Variants in OR8G5 observed in about 807,000 individuals in gnomAD.
OR8G5 encodes olfactory receptor 8G5.
For missense variants in OR8G5, 347 were observed against 371.9 expected, an observed-to-expected ratio of 0.93 and a Z score of 0.55; for synonymous variants, 147 against 147.7, an observed-to-expected ratio of 1.00 and a Z score of 0.03.
Position 124,265,686 on chromosome 11 carries a change from T to C in OR8G5, c.755T>C (p.Phe252Ser). 1.2e-6 allele frequency: 2 copies of C among 1,614,030 alleles called. No homozygotes were observed. The highest frequency in any genetic ancestry group is 1.7e-5 in the Admixed American group (1 of 60,024). ...SSHISAVSVF[F>S]GSAAFMYLQP... ...CACATCTCGGCTGTTTCTGTTTTCT[T>C]TGGGTCTGCAGCATTCATGTACCTG... The change falls in exon 2 of 2, where the codon TTT (phenylalanine) becomes TCT (serine). Residue 252 changes from phenylalanine (F) to serine (S), a missense_variant. Coordinates refer to ENST00000641992, the MANE Select transcript of OR8G5 (RefSeq NM_001005198.2).
chr11:124,262,674 T>TACACACACACAC (rs377046056), intron 1 of OR8G5, among the ~76,000 whole-genome samples: 7 of 151,080 alleles, frequency 4.6e-5, no homozygotes, highest in Non-Finnish European at 5.9e-5. Context: ...TATGTACATA[T>TACACACACACAC]ACACACACAC....
In OR8G5 at chr11:124,265,444, T is replaced by G. The variant is rs1321124674; in HGVS notation, c.513T>G (p.Phe171Leu). 2 of 1,614,044 alleles carry G rather than the reference T, an allele frequency of 1.2e-6. No individual in the cohort carries two copies. Among genetic ancestry groups the G allele is most frequent in the Non-Finnish European group, 1.7e-6 (2 of 1,179,894 alleles). ...TGTTTAGGGTTCAATTCTGCAAATT[T>G]GATGTGATCAACCATTATTTCTGTG... is the stretch of plus-strand genomic sequence containing the variant. Reference protein sequence around the residue: ...GCMFRVQFCKFDVINHYFCDL... With the variant: ...GCMFRVQFCKLDVINHYFCDL... Residue 171 changes from phenylalanine to leucine, a missense_variant, in exon 2 of 2, where the codon TTT becomes TTG. Coordinates refer to ENST00000641992, the MANE Select transcript of OR8G5 (RefSeq NM_001005198.2).
chr11:124,261,107 A>G (rs1861966889), intron 1 of OR8G5, among the ~76,000 whole-genome samples: 1 of 151,836 alleles, frequency 6.6e-6, no homozygotes, highest in African/African-American at 2.4e-5. Context: ...ATTTCACTTA[A>G]CCATCAAATT....
chr11:124,259,279 A>G (rs892685620), intron 1 of OR8G5, among the ~76,000 whole-genome samples: 1 of 152,194 alleles, frequency 6.6e-6, no homozygotes, highest in African/African-American at 2.4e-5. Flanking sequence ...CAGGATATTT[A>G]CACATGAGTT....
chr11:124,260,624 A>G (rs891003139), intron 1 of OR8G5, among the ~76,000 whole-genome samples: 3 of 151,868 alleles, frequency 2.0e-5, no homozygotes, highest in African/African-American at 7.2e-5. Context: ...GAGACTTAAT[A>G]TCTTTATAAT....
chr11:124,265,078 T>A lies in OR8G5; in HGVS notation c.147T>A (p.Ile49=), dbSNP rs746374136. 3.1e-6 allele frequency: 5 copies of A among 1,614,176 alleles called. No homozygotes were observed. The highest frequency in any genetic ancestry group is 4.5e-5 in the East Asian group (2 of 44,878). ...VLGNLGMITL[I]GLSSHLHTPM... Reference sequence around the variant, plus strand: ...GGAACCTGGGCATGATCACACTGATTGGGCTCAGTTCTCACCTGCACACAC... The same window carrying A: ...GGAACCTGGGCATGATCACACTGATAGGGCTCAGTTCTCACCTGCACACAC... Residue 49 remains isoleucine, a synonymous_variant, in exon 2 of 2, where the codon ATT becomes ATA. Coordinates refer to ENST00000641992, the MANE Select transcript of OR8G5 (RefSeq NM_001005198.2).
Position 124,266,031 on chromosome 11 carries a change from C to A in OR8G5, c.*164C>A. 1 of 853,440 alleles carries A rather than the reference C, an allele frequency of 1.2e-6. No homozygotes were observed. Among genetic ancestry groups the A allele is most frequent in the Non-Finnish European group, 1.7e-6 (1 of 584,618 alleles). 52.9% of individuals were successfully genotyped at this position (853,440 alleles called of 1,614,324 possible). On this transcript the variant is annotated 3_prime_UTR_variant, in exon 2 of 2. Coordinates refer to ENST00000641992, the MANE Select transcript of OR8G5 (RefSeq NM_001005198.2). ...ACATGGTCTATTTCATGCCATTTCC[C>A]TCTCATTTTTTCTCTCATAAGGATT...
intron 1 of OR8G5, among the ~76,000 whole-genome samples, chr11:124,264,356 T>C (rs1340751612): frequency 6.6e-6 from 1 of 152,154 alleles, no homozygotes; most frequent in Non-Finnish European, 1.5e-5. Context: ...AACTGTATAA[T>C]TATGGCCACT....
At position 124,265,261 on chromosome 11, in the gene OR8G5, A is replaced by G. The variant is rs1182458343; in HGVS notation, c.330A>G (p.Ala110=). The G allele has an allele frequency of 1.2e-6, 2 of 1,614,048 alleles. No homozygotes were observed. Among genetic ancestry groups the G allele is most frequent in the Non-Finnish European group, 1.7e-6 (2 of 1,179,900 alleles). The part of the protein sequence containing the change: ...QLYFFLVFAI[A]ECHMLAAMAY... ...ACTTCTTCCTCGTTTTTGCTATTGCAGAGTGTCACATGTTGGCTGCAATGG... is the reference window on the plus strand; with the variant it reads ...ACTTCTTCCTCGTTTTTGCTATTGCGGAGTGTCACATGTTGGCTGCAATGG... The change falls in exon 2 of 2, where the codon GCA becomes GCG. Residue 110 remains alanine (A), a synonymous_variant. Coordinates refer to ENST00000641992, the MANE Select transcript of OR8G5 (RefSeq NM_001005198.2).
rs1238686622 is a variant in OR8G5 at position 124,264,984 on chromosome 11, C to T, written c.53C>T (p.Thr18Ile). 2 of 1,613,932 alleles carry T rather than the reference C, an allele frequency of 1.2e-6. No individual in the cohort carries two copies. Among genetic ancestry groups the T allele is most frequent in the Non-Finnish European group, 8.5e-7 (1 of 1,179,872 alleles). The change falls in exon 2 of 2, where the codon ACA (threonine) becomes ATA (isoleucine). Residue 18 changes from threonine to isoleucine, a missense_variant. By Grantham distance (89) the Thr-to-Ile change is moderately conservative (BLOSUM62 -1). Transcript: ENST00000641992. Reference protein sequence around the residue: ...FVTKFILVGLTEKSELQLPLF... With the variant: ...FVTKFILVGLIEKSELQLPLF... ...ACTAAGTTTATTCTGGTTGGGCTAACAGAGAAGTCAGAGCTACAGCTGCCC... is the reference window on the plus strand; with the variant it reads ...ACTAAGTTTATTCTGGTTGGGCTAATAGAGAAGTCAGAGCTACAGCTGCCC...
intron 1 of OR8G5, among the ~76,000 whole-genome samples, chr11:124,263,050 A>C (rs1037472860): frequency 4.6e-5 from 6 of 130,728 alleles, no homozygotes; most frequent in African/African-American, 1.6e-4. Context: ...TTATGGTGTT[A>C]ATTTTCATTT....
At chr11:124,261,315 C>T (rs1861969371) in intron 1 of OR8G5, among the ~76,000 whole-genome samples, 3 of 151,786 alleles carry the variant, frequency 2.0e-5, no homozygotes, top group Admixed American at 1.3e-4. Context: ...TGCTATTTCA[C>T]ATGATATTCT....
rs754703665 is a variant in OR8G5 at position 124,264,991 on chromosome 11, GTCAGAGC to G, written c.62_68del (p.Ser21TyrfsTer14). On this transcript the variant is annotated frameshift_variant, in exon 2 of 2. Transcript: ENST00000641992. LOFTEE classifies it low-confidence loss of function (END_TRUNC). ...TTATTCTGGTTGGGCTAACAGAGAA[GTCAGAGC>G]TACAGCTGCCCCTCTTCCTCGTCTT... 6.2e-7 allele frequency: 1 copy of G among 1,613,960 alleles called. No individual in the cohort carries two copies. Among genetic ancestry groups the G allele is most frequent in the Non-Finnish European group, 8.5e-7 (1 of 1,179,870 alleles).
intron 1 of OR8G5, among the ~76,000 whole-genome samples, chr11:124,262,756 A>T (rs553474230): frequency 6.6e-6 from 1 of 151,930 alleles, no homozygotes; most frequent in Non-Finnish European, 1.5e-5. Context: ...TTTCTAACTT[A>T]TGGTTGTTTT....
intron 1 of OR8G5, among the ~76,000 whole-genome samples, chr11:124,260,175 A>C (rs1297729190): frequency 1.3e-5 from 2 of 151,454 alleles, no homozygotes; most frequent in African/African-American, 4.9e-5. Flanking sequence ...ATAGTCATGC[A>C]TTTTTTTTGT....
At chr11:124,261,924 CAA>C (rs1335466513) in intron 1 of OR8G5, among the ~76,000 whole-genome samples, 2 of 151,834 alleles carry the variant, frequency 1.3e-5, no homozygotes, top group East Asian at 3.9e-4. Context: ...CGGAACAACA[CAA>C]ATATAAAAAA....
In OR8G5 at chr11:124,265,778, C is replaced by T. The variant is rs1340811818; in HGVS notation, c.847C>T (p.Pro283Ser). ...VSSVFYTIVV[P>S]MLNPLIYSLR... ...CTCTGTGTTTTATACTATTGTTGTG[C>T]CCATGCTGAACCCCCTGATCTACAG... is the stretch of plus-strand genomic sequence containing the variant. The change falls in exon 2 of 2, where the codon CCC becomes TCC. Residue 283 changes from proline to serine, a missense_variant. Coordinates refer to ENST00000641992, the MANE Select transcript of OR8G5 (RefSeq NM_001005198.2). 1 of 1,614,110 alleles carries T rather than the reference C, an allele frequency of 6.2e-7. No individual in the cohort carries two copies. The highest frequency in any genetic ancestry group is 2.2e-5 in the East Asian group (1 of 44,870).
intron 1 of OR8G5, among the ~76,000 whole-genome samples, chr11:124,257,133 C>T (rs1210592720): frequency 6.8e-6 from 1 of 147,790 alleles, no homozygotes; most frequent in Non-Finnish European, 1.5e-5. Flanking sequence ...GAGGAAGATA[C>T]AAGACCTAAG....
intron 1 of OR8G5, among the ~76,000 whole-genome samples, chr11:124,263,825 A>T (rs1162659782): frequency 6.6e-6 from 1 of 152,082 alleles, no homozygotes; most frequent in Non-Finnish European, 1.5e-5. Context: ...GTATTTTTTT[A>T]AATAATTTGA....
Sources: gnomAD v4.1 joint callset for allele counts (sites outside exome capture counted in the v4.1 genomes callset) on GRCh38, gnomAD v4.1.1 for gene constraint, MANE v1.5 for transcripts, NCBI Gene and HGNC (gene_info 2026-07-23, HGNC 2026-07-21) for gene names.